The following PLAA variants were observed in gnomAD, a reference collection of about 807,000 sequenced individuals.
PLAA encodes phospholipase A-2-activating protein.
PLAA carries 48 observed loss-of-function variants against 84.1 expected under a neutral mutation model. That is an observed-to-expected ratio of 0.57 (90% CI 0.45 to 0.73). The LOEUF is 0.73. Among genes scored for constraint, PLAA ranks in the 30% least tolerant of loss-of-function variants. The probability of loss-of-function intolerance (pLI) is 0.00; values close to 1 mark genes in which losing one functional copy is unlikely to be tolerated. For missense variants in PLAA, 903 were observed against 954.7 expected (o/e 0.95, Z 0.71); for synonymous variants, 392 against 336.6 (o/e 1.16, Z -1.80).
intron 10 of PLAA, among the ~76,000 whole-genome samples, chr9:26,915,460 C>CT (rs1824518583): frequency 6.6e-6 from 1 of 152,178 alleles, no homozygotes; most frequent in South Asian, 2.1e-4. Context: ...TTAAGACTGA[C>CT]TTTAAGTTGT....
chr9:26,920,425 T>C (rs756688284), intron 7 of PLAA, 41 bp from the exon 8 acceptor site: 2 of 1,348,414 alleles, frequency 1.5e-6, no homozygotes, highest in South Asian at 1.6e-5. Context: ...AGAATGGCAA[T>C]GTAAAATTGA....
chr9:26,908,420 C>A (rs1824304361), intron 12 of PLAA, among the ~76,000 whole-genome samples: 1 of 151,616 alleles, frequency 6.6e-6, no homozygotes, highest in South Asian at 2.1e-4. Flanking sequence ...CCCTCCTTAG[C>A]CTCCCGAAGT....
At chr9:26,909,874 T>C (rs938434869) in intron 12 of PLAA, among the ~76,000 whole-genome samples, 2 of 152,184 alleles carry the variant, frequency 1.3e-5, no homozygotes, top group Non-Finnish European at 2.9e-5. Context: ...TCCGCCCGCC[T>C]TGGCCTCCCA....
At chr9:26,910,743 G>A (rs1824374646) in intron 11 of PLAA, among the ~76,000 whole-genome samples, 1 of 151,540 alleles carries the variant, frequency 6.6e-6, no homozygotes, top group Non-Finnish European at 1.5e-5. Context: ...CTACAGCCTC[G>A]ACCTCCTGGG....
At chr9:26,926,209 T>A (rs1172797365) in intron 5 of PLAA, among the ~76,000 whole-genome samples, 184 bp downstream of exon 5, 1 of 152,186 alleles carries the variant, frequency 6.6e-6, no homozygotes, top group Non-Finnish European at 1.5e-5. Flanking sequence ...TGAATTAATA[T>A]AAAGATGGCC....
chr9:26,932,720 T>C (rs1207784892), intron 2 of PLAA, among the ~76,000 whole-genome samples: 3 of 152,176 alleles, frequency 2.0e-5, no homozygotes, highest in Non-Finnish European at 2.9e-5. Flanking sequence ...GAAACAAAAA[T>C]AAGATATCTC....
At chr9:26,935,365 A>G (rs994994738) in intron 1 of PLAA, among the ~76,000 whole-genome samples, 159 bp from the exon 2 acceptor site, 2 of 152,246 alleles carry the variant, frequency 1.3e-5, no homozygotes, top group Non-Finnish European at 2.9e-5. Flanking sequence ...TACATAATTC[A>G]TATGAACTAC....
intron 5 of PLAA, among the ~76,000 whole-genome samples, 184 bp from the exon 6 acceptor site, chr9:26,926,144 T>A (rs1824950636): frequency 6.6e-6 from 1 of 152,214 alleles, no homozygotes; most frequent in Non-Finnish European, 1.5e-5. Flanking sequence ...TCATGTCACA[T>A]CTTACAAAGT....
intron 2 of PLAA, among the ~76,000 whole-genome samples, chr9:26,933,965 T>C (rs1162313229): frequency 2.0e-5 from 3 of 151,964 alleles, no homozygotes; most frequent in African/African-American, 4.8e-5. Context: ...TGCACCACCA[T>C]GTCCAGCTAA....
Position 26,946,917 on chromosome 9 carries a change from G to C in PLAA, c.129C>G (p.Thr43=), listed in dbSNP as rs776017839. ...CTCACCTGTCTGGGGCCCAGAGGCG[G>C]GTGGTGCGGTCTCGGGACACGGACA... ...AFVSVSRDRT[T]RLWAPDSPNR... The change falls in exon 1 of 14, where the codon ACC becomes ACG. Residue 43 remains threonine, a synonymous_variant. Coordinates refer to ENST00000397292, the MANE Select transcript of PLAA (RefSeq NM_001031689.3). The C allele has an allele frequency of 3.2e-6, 5 of 1,579,260 alleles. No homozygotes were observed. In the African/African-American group the frequency reaches 5.4e-5, roughly 17 times the overall value.
chr9:26,944,746 G>A lies in PLAA; in HGVS notation c.149+2151C>T, dbSNP rs566180836. On this transcript the variant is annotated intron_variant, in intron 1 of 13. Transcript: ENST00000397292. The stretch of plus-strand genomic sequence containing the variant: ...AGACTAAATAATCTTATCTCACTAC[G>A]CACTAACACACACTGTGGCAAAATG... Among the ~76,000 whole-genome samples the A allele has an allele frequency of 5.3e-5, 8 of 152,258 alleles. No individual in the cohort carries two copies. In the South Asian group the frequency reaches 6.2e-4, roughly 12 times the overall value.
rs746787830 is a variant in PLAA, at chr9:26,926,370, T to A, written c.733+23A>T. ...ATAATGCTCAATACAAAACATTAAATAAATAGCATAAAATAATCTTACCTC... is the reference window on the plus strand; with the variant it reads ...ATAATGCTCAATACAAAACATTAAAAAAATAGCATAAAATAATCTTACCTC... On this transcript the variant is annotated intron_variant, in intron 5 of 13. Coordinates refer to ENST00000397292, the MANE Select transcript of PLAA (RefSeq NM_001031689.3). 5 of 1,483,662 alleles carry A rather than the reference T, an allele frequency of 3.4e-6. No homozygotes were observed. The South Asian group carries it at 3.4e-5, about 10-fold the overall frequency. The allele number at this position is 1,483,662 out of a possible 1,614,324, so 91.9% of individuals were successfully genotyped here.
intron 11 of PLAA, among the ~76,000 whole-genome samples, chr9:26,910,705 CAG>C (rs1433635147): frequency 6.6e-6 from 1 of 151,838 alleles, no homozygotes; most frequent in Non-Finnish European, 1.5e-5. Flanking sequence ...CTTTCTGAGA[CAG>C]GGTGCAGTGG....
intron 2 of PLAA, among the ~76,000 whole-genome samples, chr9:26,930,106 ATT>A (rs746808419): frequency 9.3e-5 from 13 of 140,172 alleles, no homozygotes; most frequent in South Asian, 2.3e-4. Flanking sequence ...TATTATTATT[ATT>A]TTTTTTTTTT....
rs1454808089 is a variant in PLAA at position 26,911,606 on chromosome 9, CT to C, written c.1556-1168del. 3.9e-5 allele frequency among the ~76,000 whole-genome samples: 6 copies of C among 152,120 alleles called. 1 individual carries two copies. On this transcript the variant is annotated intron_variant, in intron 11 of 13. Coordinates refer to ENST00000397292, the MANE Select transcript of PLAA (RefSeq NM_001031689.3). ...CCCGTCTGAGTCCTAGTCTTTTATA[CT>C]TTTTTTTACATCTTAAGTCTCTATT...
intron 2 of PLAA, among the ~76,000 whole-genome samples, chr9:26,932,275 C>T (rs1050054833): frequency 1.3e-5 from 2 of 152,094 alleles, no homozygotes; most frequent in African/African-American, 4.8e-5. Context: ...CTTTTGAGGA[C>T]GTGAGTGTCC....
In PLAA at chr9:26,919,529, C is replaced by T. The variant is rs763167708; in HGVS notation, c.1198G>A (p.Glu400Lys). Residue 400 changes from glutamate to lysine, a missense_variant and splice_region_variant, in exon 9 of 14, where the codon GAA (glutamate) becomes AAA (lysine). Physicochemically the swap from Glu to Lys is moderately conservative, Grantham distance 56 (BLOSUM62 1). Coordinates refer to ENST00000397292, the MANE Select transcript of PLAA (RefSeq NM_001031689.3). ...TCAATTGAGAAAACATAATCAAATT[C>T]CTAAAGTAGGAATATAAAAAGGAGA... Reference protein sequence around the residue: ...TSGKVLYEGKEFDYVFSIDVN... With the variant: ...TSGKVLYEGKKFDYVFSIDVN... 1.3e-6 allele frequency: 2 copies of T among 1,541,456 alleles called. No individual in the cohort carries two copies. Among genetic ancestry groups the T allele is most frequent in the South Asian group, 2.2e-5 (2 of 89,112 alleles).
At position 26,919,327 on chromosome 9, in the gene PLAA, A is replaced by T. The variant is rs779747637; in HGVS notation, c.1400T>A (p.Phe467Tyr). 6.2e-7 allele frequency: 1 copy of T among 1,609,218 alleles called. No homozygotes were observed. Among genetic ancestry groups the T allele is most frequent in the Non-Finnish European group, 8.5e-7 (1 of 1,177,762 alleles). ...GQMLGLGNPS[F>Y]SDPFTGGGRY... is the part of the protein sequence containing the mutation. ...TAACTTACCTGTAAATGGATCTGAA[A>T]AGCTGGGATTCCCAAGTCCCAACAT... Residue 467 changes from phenylalanine (F) to tyrosine (Y), a missense_variant, in exon 9 of 14, where the codon TTT (phenylalanine) becomes TAT (tyrosine). Coordinates refer to ENST00000397292, the MANE Select transcript of PLAA (RefSeq NM_001031689.3).
chr9:26,943,989 C>A (rs1825615980), intron 1 of PLAA, among the ~76,000 whole-genome samples: 1 of 152,128 alleles, frequency 6.6e-6, no homozygotes, highest in African/African-American at 2.4e-5. Context: ...CTATTATGGC[C>A]TGAACGTGTC....
Sources: gnomAD v4.1 joint callset for allele counts (sites outside exome capture counted in the v4.1 genomes callset) on GRCh38, gnomAD v4.1.1 for gene constraint, MANE v1.5 for transcripts, NCBI Gene and HGNC (gene_info 2026-07-23, HGNC 2026-07-21) for gene names.